CCDC146: variants seen among roughly 807,000 people sequenced by gnomAD.
CCDC146 encodes the protein coiled-coil domain-containing protein 146.
Under a neutral mutation model 119.3 loss-of-function variants are expected in CCDC146, and 92 were observed. The ratio of observed to expected loss-of-function variants is 0.77; its 90% CI spans 0.65 to 0.92. CCDC146 has a LOEUF of 0.92. Among genes scored for constraint, CCDC146 ranks in the 40% least tolerant of loss-of-function variants. The pLI, the probability that CCDC146 is intolerant of heterozygous loss-of-function variation, is 0.00. For synonymous variants in CCDC146, 372 were observed against 371.8 expected, an observed-to-expected ratio of 1.00 and a Z score of -0.01; for missense variants, 1,000 against 1,103.0, an observed-to-expected ratio of 0.91 and a Z score of 1.32.
At position 77,282,802 on chromosome 7, in the gene CCDC146, G is replaced by A. The variant is rs750034381; in HGVS notation, c.2148+17G>A. 11 of 1,556,694 alleles carry A rather than the reference G, an allele frequency of 7.1e-6. No individual in the cohort carries two copies. Among genetic ancestry groups the A allele is most frequent in the South Asian group, 1.1e-5 (1 of 89,798 alleles). On this transcript the variant is annotated intron_variant, in intron 15 of 18. Coordinates refer to ENST00000285871, the MANE Select transcript of CCDC146 (RefSeq NM_020879.3). ...CAAATTCAGGTGGGTGAGTGATCAC[G>A]GGACACTTCCTCAGACCATTTATTT... is the stretch of plus-strand genomic sequence containing the variant.
intron 9 of CCDC146, among the ~76,000 whole-genome samples, chr7:77,266,991 AT>A (rs71085446): frequency 0.13 from 17,880 of 136,110 alleles, 1,210 homozygotes; most frequent in Middle Eastern, 0.19. Context: ...ATGCAAAGGA[AT>A]TTTTTTTTTT....
chr7:77,221,568 A>G (rs1223002529), intron 2 of CCDC146, among the ~76,000 whole-genome samples: 2 of 152,092 alleles, frequency 1.3e-5, no homozygotes, highest in Non-Finnish European at 2.9e-5. Flanking sequence ...TTCATGCTGC[A>G]CCCCCACCCT....
intron 1 of CCDC146, among the ~76,000 whole-genome samples, chr7:77,146,947 A>G (rs1160151553): frequency 6.6e-6 from 1 of 152,076 alleles, no homozygotes; most frequent in Admixed American, 6.6e-5. Context: ...CTGAATTTGA[A>G]TGTTGGCCTG....
At chr7:77,230,516 G>GTGTGTC (rs745796149) in intron 2 of CCDC146, among the ~76,000 whole-genome samples, 5 of 151,934 alleles carry the variant, frequency 3.3e-5, no homozygotes, top group African/African-American at 4.8e-5. Context: ...GTGTGTGTGT[G>GTGTGTC]TGTCTGTTTT....
intron 2 of CCDC146, among the ~76,000 whole-genome samples, chr7:77,171,627 TG>T (rs1244710119): frequency 6.6e-6 from 1 of 152,244 alleles, no homozygotes. Flanking sequence ...TTCTCATTTT[TG>T]TCATTGTATC....
At chr7:77,228,110 T>A (rs796176695) in intron 2 of CCDC146, among the ~76,000 whole-genome samples, 1 of 152,232 alleles carries the variant, frequency 6.6e-6, no homozygotes, top group African/African-American at 2.4e-5. Context: ...CCAAAATGTA[T>A]TAGGAGTGCT....
At chr7:77,170,590 C>T (rs2117492019) in intron 2 of CCDC146, among the ~76,000 whole-genome samples, 1 of 152,292 alleles carries the variant, frequency 6.6e-6, no homozygotes, top group South Asian at 2.1e-4. Flanking sequence ...TAAAGAGCCT[C>T]TTCACAGCAA....
chr7:77,250,628 C>T (rs563346922), intron 4 of CCDC146, among the ~76,000 whole-genome samples: 1 of 152,272 alleles, frequency 6.6e-6, no homozygotes, highest in East Asian at 1.9e-4. Flanking sequence ...CTGTAATTTA[C>T]ATATGATATG....
chr7:77,147,628 AG>A (rs1408746714), intron 1 of CCDC146, among the ~76,000 whole-genome samples: 26 of 152,202 alleles, frequency 1.7e-4, no homozygotes, highest in Admixed American at 1.6e-3. Context: ...TCCTTCTAAC[AG>A]TCAGGACCCT....
chr7:77,251,849 A>G (rs1204396462), intron 4 of CCDC146, among the ~76,000 whole-genome samples: 1 of 152,222 alleles, frequency 6.6e-6, no homozygotes, highest in African/African-American at 2.4e-5. Flanking sequence ...AATTTTGAAT[A>G]AAAATGAACA....
intron 13 of CCDC146, among the ~76,000 whole-genome samples, chr7:77,280,218 T>C (rs951137704): frequency 1.3e-5 from 2 of 152,156 alleles, no homozygotes; most frequent in African/African-American, 4.8e-5. Flanking sequence ...AAAGATGTTC[T>C]AATCTGGAGC....
chr7:77,191,253 C>T (rs540377981), intron 2 of CCDC146, among the ~76,000 whole-genome samples: 13 of 152,250 alleles, frequency 8.5e-5, no homozygotes, highest in African/African-American at 2.9e-4. Context: ...CTATCAACAG[C>T]GTTAAGTGAG....
intron 15 of CCDC146, among the ~76,000 whole-genome samples, chr7:77,284,641 A>G (rs1328699416): frequency 6.6e-6 from 1 of 151,758 alleles, no homozygotes; most frequent in Non-Finnish European, 1.5e-5. Flanking sequence ...TCTTAGAAAA[A>G]AAATTGTCAT....
rs1408179757 is a variant in CCDC146 at position 77,198,872 on chromosome 7, C to G, written c.156+31048C>G. The G allele has an allele frequency of 7.1e-5, 29 of 409,562 alleles. No individual in the cohort carries two copies. In the Admixed American group the frequency reaches 1.2e-3, roughly 17 times the overall value. The allele number at this position is 409,562 out of a possible 1,614,324, so 25.4% of individuals were successfully genotyped here. On this transcript the variant is annotated intron_variant, in intron 2 of 18. Transcript: ENST00000285871. The stretch of plus-strand genomic sequence containing the variant: ...GTTTTCAAACACCTCATTGAAGAGA[C>G]AAGTTAAATGCACTAAAACATCAAG...
intron 9 of CCDC146, among the ~76,000 whole-genome samples, chr7:77,264,940 G>A (rs76048392): frequency 0.011 from 1,623 of 152,252 alleles, 21 homozygotes; most frequent in African/African-American, 0.036. Flanking sequence ...TAAGTTATTT[G>A]TATTTTTACT....
chr7:77,195,336 T>C (rs911658360), intron 2 of CCDC146: 1 of 152,224 alleles, frequency 6.6e-6, no homozygotes, highest in African/African-American at 2.4e-5. Context: ...AACCCTGGTC[T>C]TCACAGTTAC....
chr7:77,222,983 T>C (rs77056943), intron 2 of CCDC146, among the ~76,000 whole-genome samples: 11,560 of 152,306 alleles, frequency 0.076, 779 homozygotes, highest in East Asian at 0.28. Flanking sequence ...TCCGACTGTG[T>C]TCTGATCCTT....
intron 3 of CCDC146, among the ~76,000 whole-genome samples, chr7:77,239,442 GT>G (rs1239412782): frequency 6.6e-6 from 1 of 152,224 alleles, no homozygotes; most frequent in Non-Finnish European, 1.5e-5. Context: ...CCCAGTAAAT[GT>G]TTTGCTAGAT....
At chr7:77,174,906 T>C (rs1408802696) in intron 2 of CCDC146, among the ~76,000 whole-genome samples, 1 of 152,234 alleles carries the variant, frequency 6.6e-6, no homozygotes, top group East Asian at 1.9e-4. Flanking sequence ...TGTCATAGTC[T>C]AGGTTTATAT....
Sources: gnomAD v4.1 joint callset for allele counts (sites outside exome capture counted in the v4.1 genomes callset) on GRCh38, gnomAD v4.1.1 for gene constraint, MANE v1.5 for transcripts, NCBI Gene and HGNC (gene_info 2026-07-23, HGNC 2026-07-21) for gene names.